Variants in ADAMTS19 observed in about 807,000 individuals in gnomAD.
ADAMTS19 encodes A disintegrin and metalloproteinase with thrombospondin motifs 19.
A neutral mutation model predicts 153.3 loss-of-function variants in ADAMTS19; 93 were observed. The ratio of observed to expected loss-of-function variants is 0.61; its 90% CI spans 0.51 to 0.72. The LOEUF (loss-of-function observed/expected upper bound fraction) is 0.72. Among genes scored for constraint, ADAMTS19 ranks in the 30% least tolerant of loss-of-function variants. The pLI is 0.00. For missense variants in ADAMTS19, 1,482 were observed against 1,552.1 expected (o/e 0.95, Z 0.76); for synonymous variants, 600 against 556.6 (o/e 1.08, Z -1.10).
At chr5:129,577,859 T>G (rs1336839647) in intron 7 of ADAMTS19, among the ~76,000 whole-genome samples, 1 of 152,086 alleles carries the variant, frequency 6.6e-6, no homozygotes, top group African/African-American at 2.4e-5. Flanking sequence ...TTTGTATTTA[T>G]CTCTCTTTTA....
intron 22 of ADAMTS19, among the ~76,000 whole-genome samples, chr5:129,735,755 T>C (rs1757639208): frequency 6.6e-6 from 1 of 152,026 alleles, no homozygotes; most frequent in South Asian, 2.1e-4. Flanking sequence ...TTAGACTACA[T>C]ATTTTAAGTA....
rs144237873 is a variant in ADAMTS19 at position 129,496,577 on chromosome 5, ATC to A, written c.748-12496_748-12495del. Among the ~76,000 whole-genome samples the A allele has an allele frequency of 9.7e-3, 1,472 of 152,020 alleles. 24 individuals are homozygous for A. The highest frequency in any genetic ancestry group is 0.032 in the African/African-American group (1,347 of 41,484). The stretch of plus-strand genomic sequence containing the variant: ...TAGGGGTATGTAGGAGGTTGGCAAC[ATC>A]TCTGTCAATTGTGAGGTCACCAGTA... On this transcript the variant is annotated intron_variant, in intron 2 of 22. Transcript: ENST00000274487.
chr5:129,460,413 C>A lies in ADAMTS19; in HGVS notation c.22C>A (p.Arg8Ser). The change falls in exon 1 of 23, where the codon CGC becomes AGC. Residue 8 changes from arginine (R) to serine (S), a missense_variant. Around this residue, in one of 2 missense-constraint regions of ADAMTS19, gnomAD observed 866 missense variants for 827.7 expected, o/e 1.05. Coordinates refer to ENST00000274487, the MANE Select transcript of ADAMTS19 (RefSeq NM_133638.6). MGKNREMRLTHICCCCLL... is the reference protein window; with the variant it reads MGKNREMSLTHICCCCLL... ...CAGTATGGGGAAGAACCGCGAGATG[C>A]GCCTGACTCACATCTGCTGCTGCTG... 2 of 1,614,020 alleles carry A rather than the reference C, an allele frequency of 1.2e-6. No homozygotes were observed. The highest frequency in any genetic ancestry group is 1.7e-6 in the Non-Finnish European group (2 of 1,180,006).
intron 10 of ADAMTS19, among the ~76,000 whole-genome samples, chr5:129,633,675 C>T (rs1159248961): frequency 6.6e-6 from 1 of 152,142 alleles, no homozygotes; most frequent in Non-Finnish European, 1.5e-5. Context: ...TGTTATATTC[C>T]TTCAAAGACT....
Position 129,737,233 on chromosome 5 carries a change from G to T in ADAMTS19, c.*15G>T, listed in dbSNP as rs761100098. 1 of 1,581,210 alleles carries T rather than the reference G, an allele frequency of 6.3e-7. No homozygotes were observed. Among genetic ancestry groups the T allele is most frequent in the East Asian group, 2.3e-5 (1 of 43,858 alleles). On this transcript the variant is annotated 3_prime_UTR_variant, in exon 23 of 23. Coordinates refer to ENST00000274487, the MANE Select transcript of ADAMTS19 (RefSeq NM_133638.6). The stretch of plus-strand genomic sequence containing the variant: ...AGAAGAGTTGACCTCTAGCAGGCTG[G>T]CTGGATCACAGCTCTTGGCAATTAC...
At chr5:129,525,966 A>G (rs2126761611) in intron 3 of ADAMTS19, among the ~76,000 whole-genome samples, 1 of 152,086 alleles carries the variant, frequency 6.6e-6, no homozygotes, top group East Asian at 1.9e-4. Context: ...TTTATATTGG[A>G]GCTGTTTGCT....
intron 21 of ADAMTS19, among the ~76,000 whole-genome samples, chr5:129,714,866 A>G (rs1756651739): frequency 6.6e-6 from 1 of 152,216 alleles, no homozygotes; most frequent in Non-Finnish European, 1.5e-5. Context: ...GAAGTTGCTC[A>G]TTGCTGTAGC....
Position 129,701,605 on chromosome 5 carries a change from C to T in ADAMTS19, c.3159+13C>T. 4 of 1,612,524 alleles carry T rather than the reference C, an allele frequency of 2.5e-6. No individual in the cohort carries two copies. The highest frequency in any genetic ancestry group is 1.7e-6 in the Non-Finnish European group (2 of 1,178,964). On this transcript the variant is annotated intron_variant, in intron 20 of 22. Transcript: ENST00000274487. ...AGTGTGGTCTGAGGTGCATACATGC[C>T]CCCTTTCTTTCCCCATTCCTACTCT...
chr5:129,597,642 C>T (rs1208584051), intron 8 of ADAMTS19, among the ~76,000 whole-genome samples: 1 of 152,068 alleles, frequency 6.6e-6, no homozygotes, highest in Non-Finnish European at 1.5e-5. Context: ...CACGGTGGCT[C>T]ATGCCTGTAA....
intron 8 of ADAMTS19, among the ~76,000 whole-genome samples, chr5:129,598,931 A>C (rs1235924882): frequency 6.6e-6 from 1 of 152,132 alleles, no homozygotes; most frequent in Non-Finnish European, 1.5e-5. Flanking sequence ...AAACACTGCA[A>C]TTTTGATCCT....
chr5:129,619,228 T>G (rs1751668706), intron 8 of ADAMTS19, among the ~76,000 whole-genome samples: 1 of 152,018 alleles, frequency 6.6e-6, no homozygotes, highest in Non-Finnish European at 1.5e-5. Context: ...TGTGGAATGG[T>G]TAATCATATG....
intron 18 of ADAMTS19, among the ~76,000 whole-genome samples, chr5:129,684,845 G>C (rs1339957814): frequency 1.3e-5 from 2 of 152,148 alleles, no homozygotes; most frequent in East Asian, 1.9e-4. Flanking sequence ...AAATTAGCCG[G>C]GTGTGGTGGC....
intron 18 of ADAMTS19, among the ~76,000 whole-genome samples, chr5:129,693,475 GTCT>G (rs1254905259): frequency 6.6e-6 from 1 of 152,136 alleles, no homozygotes; most frequent in Non-Finnish European, 1.5e-5. Context: ...GACTTGTGAT[GTCT>G]TCTTACTTCT....
chr5:129,468,324 C>A (rs559481179), intron 2 of ADAMTS19, among the ~76,000 whole-genome samples: 1 of 152,120 alleles, frequency 6.6e-6, no homozygotes, highest in South Asian at 2.1e-4. Context: ...AAATTTTTGA[C>A]CTTTGTGAAA....
intron 3 of ADAMTS19, among the ~76,000 whole-genome samples, chr5:129,519,324 G>T (rs762675146): frequency 3.9e-5 from 6 of 152,056 alleles, no homozygotes; most frequent in African/African-American, 1.2e-4. Flanking sequence ...ACCCTATCCT[G>T]TGTGGTTGTG....
At chr5:129,485,584 T>G (rs932505007) in intron 2 of ADAMTS19, among the ~76,000 whole-genome samples, 1 of 151,586 alleles carries the variant, frequency 6.6e-6, no homozygotes, top group African/African-American at 2.4e-5. Flanking sequence ...CAAAGAAAAA[T>G]AGAGAAAATA....
chr5:129,631,619 G>C (rs866516539), intron 10 of ADAMTS19, among the ~76,000 whole-genome samples: 2 of 151,774 alleles, frequency 1.3e-5, no homozygotes, highest in African/African-American at 4.8e-5. Context: ...TTTATCACTG[G>C]TAGAAGTATA....
At chr5:129,492,591 C>A in intron 2 of ADAMTS19, among the ~76,000 whole-genome samples, 1 of 150,082 alleles carries the variant, frequency 6.7e-6, no homozygotes, top group East Asian at 2.0e-4. Context: ...AATAGTGTAA[C>A]CACACCACAT....
At chr5:129,547,658 G>A (rs973183672) in intron 6 of ADAMTS19, among the ~76,000 whole-genome samples, 1 of 150,482 alleles carries the variant, frequency 6.6e-6, no homozygotes, top group Non-Finnish European at 1.5e-5. Context: ...TTTCTTCACA[G>A]AATTGGAAAA....
Sources: allele counts gnomAD v4.1 joint callset (sites outside exome capture counted in the v4.1 genomes callset), GRCh38; gene constraint gnomAD v4.1.1; regional missense constraint gnomAD v4.1.1; transcripts MANE v1.5; gene names NCBI Gene and HGNC (gene_info 2026-07-23, HGNC 2026-07-21).